Variants in RARRES1 observed in about 807,000 individuals in gnomAD.
RARRES1 encodes the protein retinoic acid receptor responder protein 1.
RARRES1 carries 34 observed loss-of-function variants against 30.6 expected under a neutral mutation model. That is an observed-to-expected ratio of 1.11 (90% CI 0.84 to 1.48). The LOEUF (loss-of-function observed/expected upper bound fraction) is 1.48. Among genes scored for constraint, RARRES1 ranks in the 40% most tolerant of loss-of-function variants. RARRES1 has a pLI of 0.00. For synonymous variants in RARRES1, 153 were observed against 155.5 expected, an observed-to-expected ratio of 0.98 and a Z score of 0.12; for missense variants, 373 against 386.5, an observed-to-expected ratio of 0.97 and a Z score of 0.29.
chr3:158,716,506 C>T (rs1326601995), intron 1 of RARRES1, among the ~76,000 whole-genome samples: 1 of 152,148 alleles, frequency 6.6e-6, no homozygotes, highest in Non-Finnish European at 1.5e-5. Context: ...GTGAGAAGGG[C>T]TCTGAGCTGG....
chr3:158,730,506 A>G (rs184183832), intron 1 of RARRES1, among the ~76,000 whole-genome samples: 22 of 148,098 alleles, frequency 1.5e-4, no homozygotes, highest in Non-Finnish European at 2.8e-4. Context: ...GCTCACTGCA[A>G]CCTCCAGGTC....
intron 4 of RARRES1, among the ~76,000 whole-genome samples, chr3:158,703,024 T>G (rs1466361179): frequency 6.6e-6 from 1 of 152,228 alleles, no homozygotes; most frequent in African/African-American, 2.4e-5. Flanking sequence ...GATCCATCCC[T>G]GGGTAAACCT....
Position 158,709,011 on chromosome 3 carries a change from G to A in RARRES1, c.535+1727C>T, listed in dbSNP as rs1394076872. 3.9e-5 allele frequency among the ~76,000 whole-genome samples: 6 copies of A among 152,126 alleles called. No homozygotes were observed. The East Asian group carries it at 1.2e-3, about 29-fold the overall frequency. ...CCTTATCTAAAACCAAACCTTTTTG[G>A]TTTTAAGTAGATAATTTTACATACA... On this transcript the variant is annotated intron_variant, in intron 3 of 5. Coordinates refer to ENST00000237696, the MANE Select transcript of RARRES1 (RefSeq NM_206963.2).
At chr3:158,724,414 C>T (rs1420008058) in intron 1 of RARRES1, among the ~76,000 whole-genome samples, 5 of 152,090 alleles carry the variant, frequency 3.3e-5, no homozygotes, top group African/African-American at 4.8e-5. Flanking sequence ...TTCCTGTGGG[C>T]ACAATGTAAT....
intron 1 of RARRES1, among the ~76,000 whole-genome samples, chr3:158,730,371 CCTTCCTTCCTTCCT>C (rs1727837914): frequency 4.1e-4 from 22 of 53,654 alleles, no homozygotes; most frequent in African/African-American, 1.7e-3. Flanking sequence ...GTTGCTCCTT[CCTTCCTTCCTTCCT>C]TCCTTCCTTC....
chr3:158,697,851 T>C, intron 5 of RARRES1, 24 bp from the exon 6 acceptor site: 3 of 1,598,930 alleles, frequency 1.9e-6, no homozygotes, highest in Non-Finnish European at 2.6e-6. Flanking sequence ...TTATAAAATA[T>C]TATAATCTGC....
At chr3:158,729,039 A>C (rs1032860077) in intron 1 of RARRES1, among the ~76,000 whole-genome samples, 4 of 152,252 alleles carry the variant, frequency 2.6e-5, no homozygotes, top group Non-Finnish European at 4.4e-5. Context: ...GCACAGAGTA[A>C]GCATTCAATA....
At chr3:158,699,013 C>G (rs1222264650) in intron 4 of RARRES1, among the ~76,000 whole-genome samples, 1 of 152,134 alleles carries the variant, frequency 6.6e-6, no homozygotes, top group Non-Finnish European at 1.5e-5. Context: ...AGGAGAAGGC[C>G]TTAAGAGACA....
At position 158,717,777 on chromosome 3, in the gene RARRES1, G is replaced by C. The variant is rs370148119; in HGVS notation, c.277-3918C>G. Among the ~76,000 whole-genome samples, 24 of 152,270 alleles carry C rather than the reference G, an allele frequency of 1.6e-4. No individual in the cohort carries two copies. In the East Asian group the frequency reaches 4.3e-3, roughly 27 times the overall value. ...AGAGGGAGCAGGGCTTGGAGCCAAG[G>C]TGAGGACAGTGGAAATGGAGAGAAG... On this transcript the variant is annotated intron_variant, in intron 1 of 5. Coordinates refer to ENST00000237696, the MANE Select transcript of RARRES1 (RefSeq NM_206963.2).
intron 1 of RARRES1, among the ~76,000 whole-genome samples, chr3:158,724,974 C>T (rs1428152411): frequency 1.3e-5 from 2 of 152,162 alleles, no homozygotes; most frequent in East Asian, 1.9e-4. Context: ...ACTACAAGTA[C>T]GTGCCACCAC....
At position 158,712,749 on chromosome 3, in the gene RARRES1, T is replaced by C. The variant is rs116529817; in HGVS notation, c.339+1048A>G. Reference sequence around the variant, plus strand: ...AACATCTCCATGGAATCAAAGCCGTTGCCTGAGGATAAAAGAACTGCTCTT... The same window carrying C: ...AACATCTCCATGGAATCAAAGCCGTCGCCTGAGGATAAAAGAACTGCTCTT... On this transcript the variant is annotated intron_variant, in intron 2 of 5. Transcript: ENST00000237696. 8.7e-3 allele frequency among the ~76,000 whole-genome samples: 1,324 copies of C among 152,306 alleles called. 5 individuals carry two copies. Among genetic ancestry groups the C allele is most frequent in the Non-Finnish European group, 0.016 (1,057 of 68,034 alleles).
intron 1 of RARRES1, 27 bp downstream of exon 1, chr3:158,732,113 T>G: frequency 7.6e-7 from 1 of 1,315,134 alleles, no homozygotes. Context: ...GGCAGGCGCG[T>G]GCCCCGGCGC....
At position 158,718,894 on chromosome 3, in the gene RARRES1, G is replaced by C. The variant is rs376085076; in HGVS notation, c.277-5035C>G. Among the ~76,000 whole-genome samples the C allele has an allele frequency of 7.0e-4, 106 of 152,236 alleles. 5 individuals carry two copies. In the South Asian group the frequency reaches 0.021, roughly 31 times the overall value. ...AGACTTTTTTGAAACAGCCAAATCT[G>C]ACACGAGGAAAGGTGACCAACAATT... On this transcript the variant is annotated intron_variant, in intron 1 of 5. Transcript: ENST00000237696.
At chr3:158,709,978 G>T (rs183510263) in intron 3 of RARRES1, among the ~76,000 whole-genome samples, 18 of 152,272 alleles carry the variant, frequency 1.2e-4, no homozygotes, top group African/African-American at 3.9e-4. Context: ...TCCCAGAGAG[G>T]GCTCATCTGG....
At chr3:158,705,019 C>A in intron 3 of RARRES1, 92 bp from the exon 4 acceptor site, 1 of 1,469,238 alleles carries the variant, frequency 6.8e-7, no homozygotes, top group South Asian at 1.4e-5. Context: ...TAAACTTAGT[C>A]ATACCAGTCA....
At chr3:158,709,532 C>T (rs1180821385) in intron 3 of RARRES1, among the ~76,000 whole-genome samples, 1 of 152,172 alleles carries the variant, frequency 6.6e-6, no homozygotes, top group African/African-American at 2.4e-5. Context: ...GAGAATCATT[C>T]AGGGTTCAGA....
At chr3:158,709,106 T>A (rs1233322029) in intron 3 of RARRES1, among the ~76,000 whole-genome samples, 4 of 152,214 alleles carry the variant, frequency 2.6e-5, no homozygotes, top group Non-Finnish European at 5.9e-5. Flanking sequence ...CTTACAAGTT[T>A]TTCGATGAAA....
At chr3:158,731,242 T>A (rs1032563089) in intron 1 of RARRES1, among the ~76,000 whole-genome samples, 3 of 152,228 alleles carry the variant, frequency 2.0e-5, no homozygotes, top group Non-Finnish European at 4.4e-5. Flanking sequence ...AAAATCCTGC[T>A]GCTACACTTT....
intron 3 of RARRES1, among the ~76,000 whole-genome samples, chr3:158,709,624 C>T (rs187007917): frequency 4.8e-4 from 73 of 152,296 alleles, no homozygotes; most frequent in Admixed American, 4.8e-3. Context: ...GGAGCAGAGA[C>T]ATTCAGGAAT....
Sources: allele counts gnomAD v4.1 joint callset (sites outside exome capture counted in the v4.1 genomes callset), GRCh38; gene constraint gnomAD v4.1.1; transcripts MANE v1.5; gene names NCBI Gene and HGNC (gene_info 2026-07-23, HGNC 2026-07-21).